Variants in WWP1 observed in about 807,000 individuals in gnomAD.
The protein encoded by WWP1 is WW domain containing E3 ubiquitin protein ligase 1.
WWP1 carries 49 observed loss-of-function variants against 130.6 expected under a neutral mutation model. The ratio of observed to expected loss-of-function variants is 0.38; its 90% CI spans 0.30 to 0.48. WWP1 has a LOEUF of 0.48. WWP1 is among the 20% of genes least tolerant of loss of function. The pLI is 0.99. For synonymous variants in WWP1, 332 were observed against 367.8 expected, an observed-to-expected ratio of 0.90 and a Z score of 1.11; for missense variants, 809 against 1,100.6, an observed-to-expected ratio of 0.74 and a Z score of 3.75.
intron 17 of WWP1, among the ~76,000 whole-genome samples, chr8:86,440,260 A>G (rs555174196): frequency 3.6e-4 from 55 of 152,328 alleles, no homozygotes; most frequent in African/African-American, 1.3e-3. Flanking sequence ...TTTAATGAAT[A>G]TAGCTAGTTC....
At chr8:86,417,901 A>T (rs1808977617) in intron 9 of WWP1, among the ~76,000 whole-genome samples, 2 of 152,154 alleles carry the variant, frequency 1.3e-5, no homozygotes, top group Admixed American at 1.3e-4. Flanking sequence ...GTTGTGTAGC[A>T]CCTGTTGTGT....
chr8:86,467,266 T>G lies in WWP1; in HGVS notation c.*373T>G, dbSNP rs562722613. 7 of 160,484 alleles carry G rather than the reference T, an allele frequency of 4.4e-5. No individual in the cohort carries two copies. The highest frequency in any genetic ancestry group is 8.1e-5 in the Non-Finnish European group (6 of 73,768). The allele number at this position is 160,484 out of a possible 1,614,324, so 9.9% of individuals were successfully genotyped here. ...TGGATTTGCTTTACCTTGTTAATATTATCTAGGGGAAAAAGTGCAAATTGC... is the reference window on the plus strand; with the variant it reads ...TGGATTTGCTTTACCTTGTTAATATGATCTAGGGGAAAAAGTGCAAATTGC... On this transcript the variant is annotated 3_prime_UTR_variant, in exon 25 of 25. Coordinates refer to ENST00000517970, the MANE Select transcript of WWP1 (RefSeq NM_007013.4).
chr8:86,440,819 G>C (rs549829740), intron 17 of WWP1: 44 of 366,856 alleles, frequency 1.2e-4, no homozygotes, highest in South Asian at 8.8e-4. Flanking sequence ...ATTTTATTTT[G>C]ATTTTTCTCA....
chr8:86,403,741 T>TAA (rs1015260129), intron 8 of WWP1, among the ~76,000 whole-genome samples: 24 of 142,394 alleles, frequency 1.7e-4, no homozygotes, highest in Non-Finnish European at 3.1e-4. Flanking sequence ...ATGCTCCCCT[T>TAA]AAAAAAAAAA....
At chr8:86,440,655 G>A (rs1160963919) in intron 17 of WWP1, 1 of 452,572 alleles carries the variant, frequency 2.2e-6, no homozygotes, top group South Asian at 1.6e-5. Flanking sequence ...TTAATGTCAG[G>A]GAAGTTTTCT....
At chr8:86,366,365 A>G (rs1439914514) in intron 1 of WWP1, among the ~76,000 whole-genome samples, 2 of 152,194 alleles carry the variant, frequency 1.3e-5, no homozygotes, top group Non-Finnish European at 2.9e-5. Context: ...CCAGGGAAGA[A>G]CAGTAGCACT....
chr8:86,466,534 TG>T (rs1256386502), intron 24 of WWP1, among the ~76,000 whole-genome samples: 45 of 143,044 alleles, frequency 3.1e-4, no homozygotes, highest in Admixed American at 8.0e-4. Context: ...AAAAAGAAAA[TG>T]GATTTTTTTT....
chr8:86,439,267 C>T (rs1272094058), intron 17 of WWP1, among the ~76,000 whole-genome samples: 1 of 149,370 alleles, frequency 6.7e-6, no homozygotes, highest in Non-Finnish European at 1.5e-5. Context: ...GGTGTGAACC[C>T]AGGAGGCGGA....
chr8:86,442,712 T>C lies in WWP1; in HGVS notation c.1932T>C (p.Asn644=). 1 of 1,613,004 alleles carries C rather than the reference T, an allele frequency of 6.2e-7. No homozygotes were observed. Among genetic ancestry groups the C allele is most frequent in the Non-Finnish European group, 8.5e-7 (1 of 1,179,558 alleles). Residue 644 remains asparagine, a synonymous_variant, in exon 18 of 25, where the codon AAT becomes AAC. Transcript: ENST00000517970. ...AGAACAACTATTGTCTGCAGATAAA[T>C]CCAGCATCAACCATTAATCCAGACC... ...AGKNNYCLQI[N]PASTINPDHL...
intron 9 of WWP1, among the ~76,000 whole-genome samples, chr8:86,422,165 AAG>A (rs1268236943): frequency 1.3e-5 from 2 of 152,114 alleles, no homozygotes; most frequent in South Asian, 2.1e-4. Context: ...CAAGTCAAGA[AAG>A]AGAACATTGT....
intron 9 of WWP1, among the ~76,000 whole-genome samples, chr8:86,412,082 C>T (rs767535767): frequency 1.1e-4 from 16 of 152,048 alleles, no homozygotes; most frequent in African/African-American, 2.7e-4. Flanking sequence ...ATATGTAGTA[C>T]GAAGGGAAAA....
intron 5 of WWP1, among the ~76,000 whole-genome samples, chr8:86,382,777 G>A (rs1825055381): frequency 6.6e-6 from 1 of 152,190 alleles, no homozygotes; most frequent in Non-Finnish European, 1.5e-5. Context: ...AATTTATTTA[G>A]TTTCCCGTTG....
At chr8:86,380,681 A>G (rs201729551) in intron 3 of WWP1, 45 bp from the exon 4 acceptor site, 5 of 1,569,636 alleles carry the variant, frequency 3.2e-6, no homozygotes, top group South Asian at 1.2e-5. Context: ...GTGCAGTACT[A>G]CTTTTTGGCA....
intron 24 of WWP1, among the ~76,000 whole-genome samples, chr8:86,462,983 C>T (rs1185520408): frequency 2.0e-5 from 3 of 151,720 alleles, no homozygotes; most frequent in Non-Finnish European, 2.9e-5. Flanking sequence ...GTTTTTTTAA[C>T]ATTTGTGTGA....
intron 1 of WWP1, among the ~76,000 whole-genome samples, chr8:86,367,436 A>G (rs1053043655): frequency 1.3e-5 from 2 of 152,148 alleles, no homozygotes; most frequent in Admixed American, 6.6e-5. Flanking sequence ...GACTTGAGAA[A>G]GACATTTTGA....
intron 1 of WWP1, among the ~76,000 whole-genome samples, chr8:86,364,736 T>G (rs1823857198): frequency 2.7e-5 from 4 of 150,868 alleles, no homozygotes; most frequent in South Asian, 4.2e-4. Flanking sequence ...AGTCCAATAG[T>G]TAGACCCTAC....
chr8:86,410,660 CT>C (rs199877389), intron 8 of WWP1, among the ~76,000 whole-genome samples: 3 of 143,754 alleles, frequency 2.1e-5, no homozygotes, highest in South Asian at 2.2e-4. Context: ...AAATTCTGAT[CT>C]TTTTTTTGGG....
intron 21 of WWP1, among the ~76,000 whole-genome samples, chr8:86,456,570 T>C (rs1222627942): frequency 2.0e-5 from 3 of 152,010 alleles, no homozygotes; most frequent in African/African-American, 7.2e-5. Context: ...AATGTACATC[T>C]ACCTTATGGC....
Position 86,342,659 on chromosome 8 carries a change from C to A in WWP1, c.-386C>A, listed in dbSNP as rs192951472. The A allele has an allele frequency of 6.9e-6, 2 of 289,284 alleles. No individual in the cohort carries two copies. The highest frequency in any genetic ancestry group is 1.3e-5 in the Non-Finnish European group (2 of 159,472). The allele number at this position is 289,284 out of a possible 1,614,324, so 17.9% of individuals were successfully genotyped here. A position where few individuals can be genotyped will look rare whatever the true frequency, so the allele number is the denominator to read the frequency against. ...GCGCCGGCGACGCGGCCACGCGGCGCGCTCCCGAGGAAGGGAGGTGTGGGG... is the reference window on the plus strand; with the variant it reads ...GCGCCGGCGACGCGGCCACGCGGCGAGCTCCCGAGGAAGGGAGGTGTGGGG... On this transcript the variant is annotated 5_prime_UTR_variant, in exon 1 of 25. Transcript: ENST00000517970.
Sources: allele counts gnomAD v4.1 joint callset (sites outside exome capture counted in the v4.1 genomes callset), GRCh38; gene constraint gnomAD v4.1.1; transcripts MANE v1.5; gene names NCBI Gene and HGNC (gene_info 2026-07-23, HGNC 2026-07-21).